The following PRKCB variants were observed in gnomAD, a reference collection of about 807,000 sequenced individuals.
PRKCB encodes the protein protein kinase C beta, also known as protein kinase C beta type.
Under a neutral mutation model 81.5 loss-of-function variants are expected in PRKCB, and 13 were observed. That is an observed-to-expected ratio of 0.16 (90% CI 0.10 to 0.25). PRKCB has a LOEUF of 0.25. Among genes scored for constraint, PRKCB ranks in the 10% least tolerant of loss-of-function variants. The pLI, the probability that PRKCB is intolerant of heterozygous loss-of-function variation, is 1.00. For synonymous variants in PRKCB, 335 were observed against 321.4 expected (o/e 1.04, Z -0.45); for missense variants, 509 against 875.7 (o/e 0.58, Z 5.29).
At chr16:24,125,188 G>A (rs1477161262) in intron 9 of PRKCB, among the ~76,000 whole-genome samples, 1 of 151,768 alleles carries the variant, frequency 6.6e-6, no homozygotes, top group Non-Finnish European at 1.5e-5. Flanking sequence ...CTACTTCGTA[G>A]CCGTAATAAT....
intron 3 of PRKCB, among the ~76,000 whole-genome samples, chr16:24,028,804 G>GT (rs76940673): frequency 0.055 from 8,216 of 148,886 alleles, 278 homozygotes; most frequent in African/African-American, 0.078. Context: ...TATGGTTGTT[G>GT]TTTTTTTTTT....
At chr16:24,128,351 G>C (rs1294404662) in intron 9 of PRKCB, among the ~76,000 whole-genome samples, 1 of 151,934 alleles carries the variant, frequency 6.6e-6, no homozygotes, top group African/African-American at 2.4e-5. Flanking sequence ...CTCCAGCCTG[G>C]GTGACAGAGC....
intron 2 of PRKCB, among the ~76,000 whole-genome samples, chr16:23,955,692 C>A (rs1360175992): frequency 1.3e-5 from 2 of 152,144 alleles, no homozygotes; most frequent in Non-Finnish European, 2.9e-5. Flanking sequence ...ATTTACTTCT[C>A]CCACCATGGG....
intron 9 of PRKCB, among the ~76,000 whole-genome samples, chr16:24,141,987 A>G (rs1429840577): frequency 2.0e-5 from 3 of 152,220 alleles, no homozygotes; most frequent in Non-Finnish European, 4.4e-5. Context: ...CTTATCCTCC[A>G]TAATCGTGCC....
intron 9 of PRKCB, 41 bp downstream of exon 9, chr16:24,124,022 C>G: frequency 9.3e-6 from 15 of 1,610,472 alleles, no homozygotes; most frequent in Non-Finnish European, 1.1e-5. Context: ...TTGGAAGGAA[C>G]ATCTAACAAC....
chr16:24,122,140 A>G (rs1240681094), intron 8 of PRKCB, among the ~76,000 whole-genome samples: 1 of 152,196 alleles, frequency 6.6e-6, no homozygotes, highest in Non-Finnish European at 1.5e-5. Context: ...AATTTTATGT[A>G]GGGTGTTCAG....
At chr16:23,838,595 GTATT>G (rs1473267935) in intron 2 of PRKCB, among the ~76,000 whole-genome samples, 4 of 152,254 alleles carry the variant, frequency 2.6e-5, no homozygotes, top group Non-Finnish European at 1.5e-5. Flanking sequence ...TCAAAAGAAA[GTATT>G]TGAGTGTGGA....
intron 3 of PRKCB, among the ~76,000 whole-genome samples, chr16:24,030,042 G>A (rs1029941200): frequency 7.9e-5 from 12 of 152,278 alleles, no homozygotes; most frequent in Middle Eastern, 3.4e-3. Context: ...TGGGACTACA[G>A]GCATATGCCA....
At chr16:23,958,756 C>T (rs141626637) in intron 2 of PRKCB, among the ~76,000 whole-genome samples, 2,707 of 148,252 alleles carry the variant, frequency 0.018, 38 homozygotes, top group Non-Finnish European at 0.027. Flanking sequence ...CTTCCACCCC[C>T]TCTTCTTATT....
intron 7 of PRKCB, among the ~76,000 whole-genome samples, chr16:24,108,669 G>A (rs1489732841): frequency 6.6e-6 from 1 of 150,754 alleles, no homozygotes; most frequent in Admixed American, 6.6e-5. Flanking sequence ...AGGGTTGGGG[G>A]TAAGGTCATA....
Position 24,218,008 on chromosome 16 carries a change from A to C in PRKCB, c.*3192A>C. The C allele has an allele frequency of 1.0e-6, 1 of 985,402 alleles. No homozygotes were observed. The highest frequency in any genetic ancestry group is 1.2e-6 in the Non-Finnish European group (1 of 829,928). The allele number at this position is 985,402 out of a possible 1,614,324, so 61.0% of individuals were successfully genotyped here. ...TATAAGTTGCAAAAAGGATAGAGGCATATCCCAAGTCTTCCTTCATTCCAC... is the reference window on the plus strand; with the variant it reads ...TATAAGTTGCAAAAAGGATAGAGGCCTATCCCAAGTCTTCCTTCATTCCAC... On this transcript the variant is annotated 3_prime_UTR_variant, in exon 17 of 17. Transcript: ENST00000643927.
intron 7 of PRKCB, among the ~76,000 whole-genome samples, chr16:24,105,557 G>A (rs909627051): frequency 2.6e-5 from 4 of 151,878 alleles, no homozygotes; most frequent in East Asian, 1.9e-4. Context: ...AACAGGCCCC[G>A]GTGTGTAATG....
chr16:24,220,250 T>G lies in PRKCB; in HGVS notation c.*5434T>G, dbSNP rs1968302493. On this transcript the variant is annotated 3_prime_UTR_variant, in exon 17 of 17. Transcript: ENST00000643927. ...AAAGCTTGTCTTAGAGGGCTTTTCT[T>G]TGTATGTGTAGCTTGCTAGTTTGTT... 9.5e-7 allele frequency: 1 copy of G among 1,047,236 alleles called. No homozygotes were observed. The highest frequency in any genetic ancestry group is 1.4e-6 in the Non-Finnish European group (1 of 728,552). The allele number at this position is 1,047,236 out of a possible 1,614,324, so 64.9% of individuals were successfully genotyped here.
Position 24,216,758 on chromosome 16 carries a change from G to C in PRKCB, c.*1942G>C. ...AAGTTCTATCTGACAAGTTTAGGCAGTAAGAGAAGGAGGGAAATCGGAGCA... is the reference window on the plus strand; with the variant it reads ...AAGTTCTATCTGACAAGTTTAGGCACTAAGAGAAGGAGGGAAATCGGAGCA... On this transcript the variant is annotated 3_prime_UTR_variant, in exon 17 of 17. Transcript: ENST00000643927. 4.1e-6 allele frequency: 4 copies of C among 985,484 alleles called. No homozygotes were observed. The highest frequency in any genetic ancestry group is 4.8e-6 in the Non-Finnish European group (4 of 829,948). 61.0% of individuals were successfully genotyped at this position (985,484 alleles called of 1,614,324 possible). A position where few individuals can be genotyped will look rare whatever the true frequency, so the allele number is the denominator to read the frequency against.
In PRKCB at chr16:24,190,606, G is replaced by A. The variant is rs138429867; in HGVS notation, c.1723-484G>A. ...GCGATCTCAGCTCACTGCAACCTCC[G>A]CTTCCCGGGTTCAACAATTCTCCTG... On this transcript the variant is annotated intron_variant, in intron 15 of 16. Coordinates refer to ENST00000643927, the MANE Select transcript of PRKCB (RefSeq NM_002738.7). Among the ~76,000 whole-genome samples the A allele has an allele frequency of 5.4e-5, 8 of 148,010 alleles. 1 individual carries two copies. In the East Asian group the frequency reaches 1.7e-3, roughly 31 times the overall value.
intron 3 of PRKCB, among the ~76,000 whole-genome samples, chr16:23,999,283 A>G (rs1280589794): frequency 6.6e-6 from 1 of 152,230 alleles, no homozygotes; most frequent in Non-Finnish European, 1.5e-5. Flanking sequence ...GACCTTGGAC[A>G]AGGCTCCATC....
chr16:24,035,587 T>C, intron 5 of PRKCB, 40 bp downstream of exon 5: 1 of 1,459,172 alleles, frequency 6.9e-7, no homozygotes, highest in South Asian at 1.2e-5. Context: ...TGACCTTGCT[T>C]GACCTGTGTG....
At position 24,001,239 on chromosome 16, in the gene PRKCB, C is replaced by A. The variant is rs752153209; in HGVS notation, c.288+12649C>A. Among the ~76,000 whole-genome samples, 59 of 152,282 alleles carry A rather than the reference C, an allele frequency of 3.9e-4. 1 individual carries two copies. In the Middle Eastern group the frequency reaches 0.017, roughly 44 times the overall value. Reference sequence around the variant, plus strand: ...CAAAAGGACTCTTTGTCTGGTTTGTCTAAAGATACCTTTTTCAACACTTTA... The same window carrying A: ...CAAAAGGACTCTTTGTCTGGTTTGTATAAAGATACCTTTTTCAACACTTTA... On this transcript the variant is annotated intron_variant, in intron 3 of 16. Coordinates refer to ENST00000643927, the MANE Select transcript of PRKCB (RefSeq NM_002738.7).
At chr16:24,211,282 G>A (rs1968133908) in intron 16 of PRKCB, among the ~76,000 whole-genome samples, 1 of 152,196 alleles carries the variant, frequency 6.6e-6, no homozygotes, top group Non-Finnish European at 1.5e-5. Flanking sequence ...CCATGCAAAT[G>A]CCCTATTATA....
Sources: gnomAD v4.1 joint callset for allele counts (sites outside exome capture counted in the v4.1 genomes callset) on GRCh38, gnomAD v4.1.1 for gene constraint, MANE v1.5 for transcripts, NCBI Gene and HGNC (gene_info 2026-07-23, HGNC 2026-07-21) for gene names.